PELI2: variants seen among roughly 807,000 people sequenced by gnomAD.
The protein encoded by PELI2 is pellino E3 ubiquitin protein ligase family member 2.
Under a neutral mutation model 42.3 loss-of-function variants are expected in PELI2, and 23 were observed. The ratio of observed to expected loss-of-function variants is 0.54; its 90% CI spans 0.39 to 0.77. PELI2 has a LOEUF of 0.77. Among genes scored for constraint, PELI2 ranks in the 30% least tolerant of loss-of-function variants. The pLI, the probability that PELI2 is intolerant of heterozygous loss-of-function variation, is 0.00. For missense variants in PELI2, 463 were observed against 553.2 expected, an observed-to-expected ratio of 0.84 and a Z score of 1.64; for synonymous variants, 245 against 212.2, an observed-to-expected ratio of 1.15 and a Z score of -1.34.
At chr14:56,136,830 C>T (rs890315191) in intron 1 of PELI2, among the ~76,000 whole-genome samples, 12 of 152,160 alleles carry the variant, frequency 7.9e-5, no homozygotes, top group Non-Finnish European at 1.0e-4. Flanking sequence ...TGTAATTGTG[C>T]ACTCTGAGAT....
chr14:56,167,989 T>G (rs1222983119), intron 1 of PELI2, among the ~76,000 whole-genome samples: 1 of 152,204 alleles, frequency 6.6e-6, no homozygotes, highest in African/African-American at 2.4e-5. Context: ...AGGCAGAGAC[T>G]CTTTTTCTCT....
chr14:56,290,114 T>C (rs888661546), intron 4 of PELI2, among the ~76,000 whole-genome samples, 154 bp from the exon 5 acceptor site: 1 of 152,226 alleles, frequency 6.6e-6, no homozygotes, highest in Non-Finnish European at 1.5e-5. Flanking sequence ...GGATGGCATA[T>C]GTTATCCTTG....
chr14:56,128,724 A>T (rs907277917), intron 1 of PELI2, among the ~76,000 whole-genome samples: 2 of 151,604 alleles, frequency 1.3e-5, no homozygotes, highest in African/African-American at 4.9e-5. Context: ...TTGTTGGGGT[A>T]TTGAAATATT....
At chr14:56,235,676 T>G (rs1887768040) in intron 2 of PELI2, among the ~76,000 whole-genome samples, 1 of 152,232 alleles carries the variant, frequency 6.6e-6, no homozygotes, top group Non-Finnish European at 1.5e-5. Flanking sequence ...GAACATGGTG[T>G]TTATGGCAAA....
intron 2 of PELI2, among the ~76,000 whole-genome samples, chr14:56,256,507 A>G (rs1467605526): frequency 6.6e-6 from 1 of 152,168 alleles, no homozygotes; most frequent in Admixed American, 6.5e-5. Context: ...TATAAATGTA[A>G]GAAGCCAGGT....
intron 1 of PELI2, among the ~76,000 whole-genome samples, chr14:56,148,240 C>T (rs1312347906): frequency 1.3e-5 from 2 of 152,214 alleles, no homozygotes; most frequent in South Asian, 2.1e-4. Context: ...TTGCCTGTAG[C>T]CTCCTTATTC....
intron 1 of PELI2, among the ~76,000 whole-genome samples, chr14:56,133,464 TGCACAGG>T (rs888694524): frequency 6.6e-6 from 1 of 152,186 alleles, no homozygotes; most frequent in African/African-American, 2.4e-5. Context: ...TCAGTATGTA[TGCACAGG>T]GCATGGCTTC....
intron 1 of PELI2, among the ~76,000 whole-genome samples, chr14:56,130,563 A>G (rs917452375): frequency 1.3e-5 from 2 of 152,090 alleles, no homozygotes; most frequent in Non-Finnish European, 2.9e-5. Flanking sequence ...TTGGGTTTAC[A>G]ACTTATATTA....
chr14:56,205,708 T>G (rs1566636521), intron 2 of PELI2, among the ~76,000 whole-genome samples: 1 of 152,198 alleles, frequency 6.6e-6, no homozygotes, highest in Non-Finnish European at 1.5e-5. Flanking sequence ...TGGATGCCCC[T>G]TTCAAGAGCA....
At chr14:56,242,546 C>G (rs1888011568) in intron 2 of PELI2, among the ~76,000 whole-genome samples, 1 of 152,190 alleles carries the variant, frequency 6.6e-6, no homozygotes, top group Admixed American at 6.5e-5. Flanking sequence ...AAGACACTTG[C>G]ACATGCATGT....
intron 2 of PELI2, among the ~76,000 whole-genome samples, chr14:56,256,941 C>T (rs1293106163): frequency 1.3e-5 from 2 of 152,112 alleles, no homozygotes; most frequent in African/African-American, 2.4e-5. Context: ...AGGTAGGATA[C>T]CCTGCCTTAT....
At chr14:56,139,115 C>G (rs760466588) in intron 1 of PELI2, among the ~76,000 whole-genome samples, 1 of 152,178 alleles carries the variant, frequency 6.6e-6, no homozygotes, top group Non-Finnish European at 1.5e-5. Context: ...ATGTGCCTTG[C>G]TTCTCGCACA....
intron 1 of PELI2, among the ~76,000 whole-genome samples, chr14:56,128,949 G>A (rs1282538372): frequency 6.6e-6 from 1 of 152,110 alleles, no homozygotes; most frequent in African/African-American, 2.4e-5. Context: ...TAGAAAGGGT[G>A]AGTTAGCTAA....
At chr14:56,249,334 A>G (rs1432312270) in intron 2 of PELI2, among the ~76,000 whole-genome samples, 3 of 152,108 alleles carry the variant, frequency 2.0e-5, no homozygotes, top group Non-Finnish European at 4.4e-5. Context: ...TATATCATGC[A>G]TTTGCCCATC....
intron 2 of PELI2, among the ~76,000 whole-genome samples, chr14:56,262,205 G>A (rs756107054): frequency 2.0e-5 from 3 of 152,216 alleles, no homozygotes; most frequent in Non-Finnish European, 2.9e-5. Flanking sequence ...TAGCTAGACA[G>A]CAAGTATAAT....
intron 2 of PELI2, among the ~76,000 whole-genome samples, chr14:56,198,850 T>A (rs1886233036): frequency 6.6e-6 from 1 of 152,174 alleles, no homozygotes; most frequent in Admixed American, 6.5e-5. Flanking sequence ...TCAATTTTGG[T>A]ACTTTTATAT....
chr14:56,212,400 C>G (rs146659393), intron 2 of PELI2, among the ~76,000 whole-genome samples: 108 of 152,352 alleles, frequency 7.1e-4, no homozygotes, highest in African/African-American at 2.5e-3. Flanking sequence ...GCCTTAGCCT[C>G]TGCTCCTTAA....
At position 56,254,482 on chromosome 14, in the gene PELI2, A is replaced by G. The variant is rs774103698; in HGVS notation, c.208-25194A>G. Among the ~76,000 whole-genome samples, 10 of 152,142 alleles carry G rather than the reference A, an allele frequency of 6.6e-5. 2 individuals carry two copies. In the South Asian group the frequency reaches 2.1e-3, roughly 31 times the overall value. On this transcript the variant is annotated intron_variant, in intron 2 of 5. Transcript: ENST00000267460. ...GACCCCTTCCTTAAACCTTATACAA[A>G]AATTAACTCAAGCTGGACTAAAGAC...
chr14:56,173,202 A>C (rs1186752298), intron 1 of PELI2, among the ~76,000 whole-genome samples: 1 of 152,122 alleles, frequency 6.6e-6, no homozygotes, highest in African/African-American at 2.4e-5. Flanking sequence ...AGAAGGCTGT[A>C]TGTTGTTCCC....
Sources: gnomAD v4.1 joint callset for allele counts (sites outside exome capture counted in the v4.1 genomes callset) on GRCh38, gnomAD v4.1.1 for gene constraint, MANE v1.5 for transcripts, NCBI Gene and HGNC (gene_info 2026-07-23, HGNC 2026-07-21) for gene names.